Variants in IRAK2 observed in about 807,000 individuals in gnomAD.
IRAK2 encodes interleukin-1 receptor-associated kinase-like 2.
A neutral mutation model predicts 72.0 loss-of-function variants in IRAK2; 57 were observed. The observed-to-expected ratio is 0.79, with a 90% CI of 0.64 to 0.99. The LOEUF (loss-of-function observed/expected upper bound fraction) is 0.99. Ranked by LOEUF, IRAK2 falls within the 50% of genes least tolerant of loss-of-function variation. The probability of loss-of-function intolerance (pLI) is 0.00; values close to 1 mark genes in which losing one functional copy is unlikely to be tolerated. For synonymous variants in IRAK2, 293 were observed against 312.7 expected, an observed-to-expected ratio of 0.94 and a Z score of 0.67; for missense variants, 790 against 794.4, an observed-to-expected ratio of 0.99 and a Z score of 0.07.
intron 9 of IRAK2, among the ~76,000 whole-genome samples, chr3:10,224,305 C>T (rs1257843463): frequency 1.3e-5 from 2 of 150,776 alleles, no homozygotes; most frequent in Non-Finnish European, 3.0e-5. Context: ...CCATTGCACT[C>T]CAGCCTGGGC....
intron 1 of IRAK2, among the ~76,000 whole-genome samples, chr3:10,165,873 G>A (rs947715980): frequency 2.0e-5 from 3 of 152,086 alleles, no homozygotes; most frequent in African/African-American, 7.2e-5. Context: ...TGGGACTACA[G>A]GCGCCCGCCA....
At chr3:10,171,105 C>T (rs73811839) in intron 1 of IRAK2, among the ~76,000 whole-genome samples, 1,917 of 152,290 alleles carry the variant, frequency 0.013, 44 homozygotes, top group African/African-American at 0.045. Context: ...TTCTTGTCTC[C>T]GTGATGGCAG....
intron 3 of IRAK2, among the ~76,000 whole-genome samples, chr3:10,208,698 G>A (rs1190287639): frequency 6.6e-6 from 1 of 151,762 alleles, no homozygotes; most frequent in African/African-American, 2.4e-5. Context: ...GGGAGGCGGA[G>A]CTTGCAGTGA....
chr3:10,241,866 C>A lies in IRAK2; in HGVS notation c.1766-250C>A, dbSNP rs776509. Among the ~76,000 whole-genome samples the A allele has an allele frequency of 0.7, 103,046 of 146,882 alleles. 36,723 individuals are homozygous for A. The highest frequency in any genetic ancestry group is 0.99 in the East Asian group (4,955 of 4,992). On this transcript the variant is annotated intron_variant, in intron 12 of 12. Coordinates refer to ENST00000256458, the MANE Select transcript of IRAK2 (RefSeq NM_001570.4). The stretch of plus-strand genomic sequence containing the variant: ...TGCACGCCTGTAGTCCCTGCTACTC[C>A]GGAGACTGAGGTGGGAGGATCACCT...
intron 1 of IRAK2, among the ~76,000 whole-genome samples, chr3:10,170,621 C>T (rs1028229127): frequency 9.2e-5 from 14 of 152,308 alleles, no homozygotes; most frequent in South Asian, 4.1e-4. Flanking sequence ...ATGGAAGCCC[C>T]GTGCGGGCAG....
At chr3:10,211,001 T>C (rs139095590) in intron 4 of IRAK2, among the ~76,000 whole-genome samples, 79 of 150,922 alleles carry the variant, frequency 5.2e-4, no homozygotes, top group Admixed American at 1.2e-3. Context: ...TGGGATTACA[T>C]GCACATGCCA....
chr3:10,197,679 T>C (rs800594), intron 2 of IRAK2, among the ~76,000 whole-genome samples: 4 of 149,224 alleles, frequency 2.7e-5, no homozygotes, highest in Non-Finnish European at 5.9e-5. Flanking sequence ...GCTGAAACCC[T>C]GTCTCTACTA....
intron 2 of IRAK2, among the ~76,000 whole-genome samples, chr3:10,194,418 C>G (rs1445300473): frequency 6.6e-6 from 1 of 152,200 alleles, no homozygotes; most frequent in Non-Finnish European, 1.5e-5. Context: ...CTGCCCCTGT[C>G]TATCTGTGAT....
At position 10,237,967 on chromosome 3, in the gene IRAK2, GAA is replaced by G. The variant is rs1575993187; in HGVS notation, c.1474-780_1474-779del. On this transcript the variant is annotated intron_variant, in intron 11 of 12. Coordinates refer to ENST00000256458, the MANE Select transcript of IRAK2 (RefSeq NM_001570.4). ...TGTGTGTGTGTGTGTGTGTGTGTGT[GAA>G]GAAGAAACATTCCTTCCTTGCTTCC... Among the ~76,000 whole-genome samples the G allele has an allele frequency of 4.0e-5, 6 of 150,498 alleles. No individual in the cohort carries two copies. The East Asian group carries it at 1.2e-3, about 30-fold the overall frequency.
At chr3:10,220,823 C>G (rs1668516799) in intron 8 of IRAK2, among the ~76,000 whole-genome samples, 1 of 152,162 alleles carries the variant, frequency 6.6e-6, no homozygotes, top group South Asian at 2.1e-4. Flanking sequence ...CACCACTAAC[C>G]TACCCCATGA....
intron 6 of IRAK2, among the ~76,000 whole-genome samples, chr3:10,216,310 T>C (rs1697604631): frequency 6.6e-6 from 1 of 152,134 alleles, no homozygotes; most frequent in South Asian, 2.1e-4. Flanking sequence ...GCTAGGATGA[T>C]GTTGACCTGA....
At chr3:10,228,955 C>CA (rs1575987899) in intron 10 of IRAK2, among the ~76,000 whole-genome samples, 1 of 149,826 alleles carries the variant, frequency 6.7e-6, no homozygotes, top group Admixed American at 6.7e-5. Flanking sequence ...TTTTTCGAGA[C>CA]AGAGTCTCGC....
intron 11 of IRAK2, among the ~76,000 whole-genome samples, chr3:10,237,398 G>A (rs1697980332): frequency 6.6e-6 from 1 of 152,196 alleles, no homozygotes; most frequent in Admixed American, 6.5e-5. Context: ...GCAGGCCTGG[G>A]TTTGATGGTC....
intron 4 of IRAK2, among the ~76,000 whole-genome samples, chr3:10,209,923 A>G (rs1697493573): frequency 6.6e-6 from 1 of 151,874 alleles, no homozygotes; most frequent in Non-Finnish European, 1.5e-5. Context: ...TTAATTTGTT[A>G]TTATTATTAT....
intron 3 of IRAK2, among the ~76,000 whole-genome samples, chr3:10,202,387 G>T (rs1332391443): frequency 1.3e-5 from 2 of 152,150 alleles, no homozygotes; most frequent in East Asian, 1.9e-4. Context: ...ACTTTGGGAG[G>T]CTGAGGCGGG....
intron 10 of IRAK2, among the ~76,000 whole-genome samples, chr3:10,229,930 G>A (rs571222538): frequency 3.9e-5 from 6 of 152,136 alleles, no homozygotes; most frequent in Non-Finnish European, 2.9e-5. Flanking sequence ...GTGAAACCCC[G>A]TCTCTACTAA....
chr3:10,175,644 C>T (rs1443988324), intron 1 of IRAK2, among the ~76,000 whole-genome samples: 2 of 151,986 alleles, frequency 1.3e-5, no homozygotes, highest in African/African-American at 4.8e-5. Context: ...AATCCCAGTA[C>T]TTTGGGAGGC....
chr3:10,242,461 G>A lies in IRAK2; in HGVS notation c.*233G>A, dbSNP rs544818403. On this transcript the variant is annotated 3_prime_UTR_variant, in exon 13 of 13. Transcript: ENST00000256458. ...CTTCCTTTCTGGGCTTTGTTAGTCA[G>A]AGCAGGGGATCAGAGGAGACTGAAG... The A allele has an allele frequency of 4.7e-5, 15 of 321,574 alleles. No homozygotes were observed. Among genetic ancestry groups the A allele is most frequent in the Non-Finnish European group, 8.0e-5 (14 of 174,070 alleles). The allele number at this position is 321,574 out of a possible 1,614,324, so 19.9% of individuals were successfully genotyped here.
intron 7 of IRAK2, among the ~76,000 whole-genome samples, chr3:10,219,157 A>C (rs1470658017): frequency 6.6e-6 from 1 of 152,048 alleles, no homozygotes; most frequent in Non-Finnish European, 1.5e-5. Context: ...ATGATGCTGC[A>C]CTCCAGTCTG....
Sources: allele counts gnomAD v4.1 joint callset (sites outside exome capture counted in the v4.1 genomes callset), GRCh38; gene constraint gnomAD v4.1.1; transcripts MANE v1.5; gene names NCBI Gene and HGNC (gene_info 2026-07-23, HGNC 2026-07-21).